KLHL1: variants seen among roughly 807,000 people sequenced by gnomAD.
The protein encoded by KLHL1 is kelch like family member 1.
A neutral mutation model predicts 77.7 loss-of-function variants in KLHL1; 47 were observed. That is an observed-to-expected ratio of 0.60 (90% CI 0.48 to 0.77). The LOEUF is 0.77. Ranked by LOEUF, KLHL1 falls within the 30% of genes least tolerant of loss-of-function variation. The pLI is 0.00. For missense variants in KLHL1, 925 were observed against 910.8 expected (o/e 1.02, Z -0.20); for synonymous variants, 360 against 325.2 (o/e 1.11, Z -1.15).
chr13:69,949,932 CTT>C (rs200049404), intron 3 of KLHL1, among the ~76,000 whole-genome samples: 1,563 of 151,796 alleles, frequency 0.01, 26 homozygotes, highest in African/African-American at 0.035. Flanking sequence ...TCCTCTCTCT[CTT>C]GTCAGAGAGA....
At chr13:69,912,807 T>C (rs930372877) in intron 4 of KLHL1, among the ~76,000 whole-genome samples, 3 of 152,086 alleles carry the variant, frequency 2.0e-5, no homozygotes, top group African/African-American at 7.2e-5. Flanking sequence ...CCTTGGCTGG[T>C]TCCTGAAGAG....
intron 6 of KLHL1, among the ~76,000 whole-genome samples, chr13:69,817,843 C>T (rs1593858455): frequency 6.6e-6 from 1 of 152,128 alleles, no homozygotes; most frequent in Admixed American, 6.6e-5. Flanking sequence ...TATCATAGCA[C>T]ATGAATTTTT....
At position 69,822,835 on chromosome 13, in the gene KLHL1, A is replaced by C. The variant is rs370817640; in HGVS notation, c.1414+16141T>G. On this transcript the variant is annotated intron_variant, in intron 6 of 10. Coordinates refer to ENST00000377844, the MANE Select transcript of KLHL1 (RefSeq NM_020866.3). ...ATTATCTGATAAAGATTAAATTGAT[A>C]TTGATATTAAAATTTTAATGCACAT... is the stretch of plus-strand genomic sequence containing the variant. Among the ~76,000 whole-genome samples the C allele has an allele frequency of 5.9e-5, 9 of 152,310 alleles. No individual in the cohort carries two copies. In the East Asian group the frequency reaches 1.7e-3, roughly 29 times the overall value.
At chr13:69,874,181 T>G (rs77342062) in intron 5 of KLHL1, among the ~76,000 whole-genome samples, 2,527 of 152,186 alleles carry the variant, frequency 0.017, 77 homozygotes, top group African/African-American at 0.057. Context: ...CTCCCTTTAG[T>G]GTTTTCCCTC....
chr13:69,858,523 A>G (rs1880011196), intron 5 of KLHL1, among the ~76,000 whole-genome samples: 1 of 152,124 alleles, frequency 6.6e-6, no homozygotes, highest in Admixed American at 6.6e-5. Context: ...AACATCTAGA[A>G]GAGCATATTT....
At chr13:70,049,111 T>A (rs1886572453) in intron 1 of KLHL1, among the ~76,000 whole-genome samples, 1 of 152,116 alleles carries the variant, frequency 6.6e-6, no homozygotes. Flanking sequence ...AGAAAATACT[T>A]TTTTAACTAA....
chr13:69,816,027 A>T (rs983983608), intron 6 of KLHL1, among the ~76,000 whole-genome samples: 1 of 152,022 alleles, frequency 6.6e-6, no homozygotes, highest in African/African-American at 2.4e-5. Context: ...AATAAAAAAA[A>T]TGCTAATTAC....
At chr13:69,751,160 G>A (rs1874462745) in intron 7 of KLHL1, among the ~76,000 whole-genome samples, 1 of 150,638 alleles carries the variant, frequency 6.6e-6, no homozygotes, top group Admixed American at 6.6e-5. Flanking sequence ...ATCTGTGTTG[G>A]GAGCATGTGG....
intron 4 of KLHL1, among the ~76,000 whole-genome samples, chr13:69,939,358 T>TAC (rs1566424701): frequency 1.3e-4 from 11 of 82,338 alleles, no homozygotes; most frequent in African/African-American, 4.2e-4. Context: ...TATATATATA[T>TAC]ATATATATAT....
At chr13:69,816,449 A>C (rs1878126767) in intron 6 of KLHL1, among the ~76,000 whole-genome samples, 1 of 151,224 alleles carries the variant, frequency 6.6e-6, no homozygotes. Context: ...CCTTTAGTAG[A>C]GACGGGGTTT....
At chr13:69,991,434 A>G (rs1315449906) in intron 1 of KLHL1, among the ~76,000 whole-genome samples, 1 of 151,922 alleles carries the variant, frequency 6.6e-6, no homozygotes, top group East Asian at 1.9e-4. Context: ...GCTGCTAGCT[A>G]GACTAATAAA....
At chr13:69,952,503 G>T (rs1056087828) in intron 3 of KLHL1, among the ~76,000 whole-genome samples, 1 of 151,334 alleles carries the variant, frequency 6.6e-6, no homozygotes, top group Non-Finnish European at 1.5e-5. Flanking sequence ...TCAGACTCAT[G>T]TAAGTGCCAT....
At chr13:69,914,466 C>T (rs1053571865) in intron 4 of KLHL1, among the ~76,000 whole-genome samples, 1 of 152,090 alleles carries the variant, frequency 6.6e-6, no homozygotes, top group African/African-American at 2.4e-5. Context: ...AAGGAATAAT[C>T]CAGGGGATTT....
intron 2 of KLHL1, among the ~76,000 whole-genome samples, chr13:69,966,945 A>AT (rs1238598254): frequency 1.3e-5 from 2 of 152,028 alleles, no homozygotes; most frequent in Admixed American, 1.3e-4. Flanking sequence ...ACATGATTTC[A>AT]TTTTTTTAAT....
At chr13:69,726,402 T>C (rs925445764) in intron 8 of KLHL1, among the ~76,000 whole-genome samples, 1 of 152,156 alleles carries the variant, frequency 6.6e-6, no homozygotes, top group Admixed American at 6.6e-5. Context: ...TGCTGTCAGA[T>C]TACTCCTATA....
chr13:69,955,944 T>TTA (rs570913158), intron 3 of KLHL1, among the ~76,000 whole-genome samples: 64,203 of 133,670 alleles, frequency 0.48, 16,312 homozygotes, highest in Non-Finnish European at 0.57. Flanking sequence ...TGATATATAT[T>TTA]TATATATATA....
chr13:70,083,706 G>A (rs1887448327), intron 1 of KLHL1, among the ~76,000 whole-genome samples: 1 of 151,970 alleles, frequency 6.6e-6, no homozygotes, highest in Non-Finnish European at 1.5e-5. Flanking sequence ...TTTAAAAGAT[G>A]ATGTAATTAT....
At chr13:69,906,217 C>T (rs1593937066) in intron 4 of KLHL1, among the ~76,000 whole-genome samples, 1 of 151,994 alleles carries the variant, frequency 6.6e-6, no homozygotes, top group African/African-American at 2.4e-5. Context: ...ATTTTAATTA[C>T]AGAAGTGAAG....
intron 1 of KLHL1, among the ~76,000 whole-genome samples, chr13:70,008,984 T>C (rs1885469265): frequency 6.6e-6 from 1 of 152,144 alleles, no homozygotes; most frequent in African/African-American, 2.4e-5. Context: ...GTCATTAATG[T>C]TCATGCTTAT....
Sources: gnomAD v4.1 joint callset for allele counts (sites outside exome capture counted in the v4.1 genomes callset) on GRCh38, gnomAD v4.1.1 for gene constraint, MANE v1.5 for transcripts, NCBI Gene and HGNC (gene_info 2026-07-23, HGNC 2026-07-21) for gene names.